Variants in PPP4R3A observed in about 807,000 individuals in gnomAD.
PPP4R3A encodes serine/threonine-protein phosphatase 4 regulatory subunit 3A.
A neutral mutation model predicts 91.7 loss-of-function variants in PPP4R3A; 15 were observed. That is an observed-to-expected ratio of 0.16 (90% CI 0.11 to 0.25). The LOEUF is 0.25. Ranked by LOEUF, PPP4R3A falls within the 10% of genes least tolerant of loss-of-function variation. PPP4R3A has a pLI of 1.00. For synonymous variants in PPP4R3A, 377 were observed against 348.7 expected (o/e 1.08, Z -0.91); for missense variants, 623 against 998.4 (o/e 0.62, Z 5.07).
In PPP4R3A at chr14:91,489,097, C is replaced by T. The variant is rs144353497; in HGVS notation, c.198+1650G>A. Among the ~76,000 whole-genome samples the T allele has an allele frequency of 2.3e-3, 351 of 151,952 alleles. 2 individuals carry two copies. In the East Asian group the frequency reaches 0.03, roughly 13 times the overall value. On this transcript the variant is annotated intron_variant, in intron 2 of 14. Coordinates refer to ENST00000554943, the MANE Select transcript of PPP4R3A (RefSeq NM_001366432.2). ...TTATTTTTTGTATATTTAGTAGAGA[C>T]GGGGTTTCACCGTGTTAGCCAGGAT...
intron 12 of PPP4R3A, 68 bp downstream of exon 12, chr14:91,462,667 A>G: frequency 6.4e-7 from 1 of 1,559,868 alleles, no homozygotes; most frequent in Non-Finnish European, 8.8e-7. Flanking sequence ...ATAATATCAA[A>G]TAAACAATAA....
chr14:91,475,416 A>G (rs1007219702), intron 7 of PPP4R3A: 32 of 183,962 alleles, frequency 1.7e-4, no homozygotes, highest in Middle Eastern at 2.4e-3. Context: ...ATTTTAAGGG[A>G]CTGTGCTACA....
intron 1 of PPP4R3A, among the ~76,000 whole-genome samples, chr14:91,498,568 G>A (rs1032674427): frequency 2.0e-5 from 3 of 152,112 alleles, no homozygotes; most frequent in Admixed American, 6.6e-5. Flanking sequence ...GGTGGCACGC[G>A]CCAATGACCC....
chr14:91,495,211 T>C (rs1890464295), intron 1 of PPP4R3A, among the ~76,000 whole-genome samples: 1 of 151,654 alleles, frequency 6.6e-6, no homozygotes, highest in Non-Finnish European at 1.5e-5. Flanking sequence ...CACAGAGTAA[T>C]GAAAACCTAA....
At chr14:91,461,661 C>T (rs1888170500) in intron 13 of PPP4R3A, 54 bp from the exon 14 acceptor site, 1 of 1,545,000 alleles carries the variant, frequency 6.5e-7, no homozygotes, top group Non-Finnish European at 8.9e-7. Flanking sequence ...TTTTAAATTT[C>T]CCCAAATGAG....
chr14:91,477,982 A>T (rs1889313076), intron 4 of PPP4R3A, among the ~76,000 whole-genome samples: 1 of 152,192 alleles, frequency 6.6e-6, no homozygotes, highest in South Asian at 2.1e-4. Flanking sequence ...TAGTGGAAGT[A>T]GATTCAATAC....
At chr14:91,485,299 T>C (rs1440111347) in intron 3 of PPP4R3A, among the ~76,000 whole-genome samples, 2 of 152,216 alleles carry the variant, frequency 1.3e-5, no homozygotes, top group Non-Finnish European at 2.9e-5. Context: ...GTTTCTGATT[T>C]CAGCAACTGC....
At position 91,510,024 on chromosome 14, in the gene PPP4R3A, C is replaced by G; in HGVS notation, c.-377G>C. On this transcript the variant is annotated 5_prime_UTR_variant, in exon 1 of 15. Coordinates refer to ENST00000554943, the MANE Select transcript of PPP4R3A (RefSeq NM_001366432.2). ...TCCGCGAAGCAGCTTCCCGCGCCGC[C>G]GCCGCCTCCTCAGGCCGCCGCCGCC... is the stretch of plus-strand genomic sequence containing the variant. 1 of 895,566 alleles carries G rather than the reference C, an allele frequency of 1.1e-6. No homozygotes were observed. Among genetic ancestry groups the G allele is most frequent in the Non-Finnish European group, 1.3e-6 (1 of 744,890 alleles). The allele number at this position is 895,566 out of a possible 1,614,324, so 55.5% of individuals were successfully genotyped here.
In PPP4R3A at chr14:91,462,200, A is replaced by G; in HGVS notation, c.2013T>C (p.Asp671=). The change falls in exon 13 of 15, where the codon GAT becomes GAC. Residue 671 remains aspartate, a synonymous_variant. Coordinates refer to ENST00000554943, the MANE Select transcript of PPP4R3A (RefSeq NM_001366432.2). ...SILRNHRYRR[D]ARTLEDEEEM... ...CTTCTTCATCTTCTAGTGTTCTGGC[A>G]TCTCTTCGATATCTGTGATTCCTCA... 1 of 1,598,512 alleles carries G rather than the reference A, an allele frequency of 6.3e-7. No homozygotes were observed. Among genetic ancestry groups the G allele is most frequent in the Non-Finnish European group, 8.5e-7 (1 of 1,175,474 alleles).
chr14:91,497,127 T>A (rs1890623347), intron 1 of PPP4R3A, among the ~76,000 whole-genome samples: 1 of 152,138 alleles, frequency 6.6e-6, no homozygotes, highest in African/African-American at 2.4e-5. Context: ...CGAGAAATGA[T>A]GATCCTTAGC....
At chr14:91,470,452 A>G (rs956673753) in intron 10 of PPP4R3A, among the ~76,000 whole-genome samples, 5 of 152,100 alleles carry the variant, frequency 3.3e-5, no homozygotes, top group African/African-American at 9.7e-5. Context: ...TACCATATTC[A>G]TTTCTCTCTT....
chr14:91,504,911 G>C (rs1206898467), intron 1 of PPP4R3A, among the ~76,000 whole-genome samples: 1 of 152,166 alleles, frequency 6.6e-6, no homozygotes, highest in African/African-American at 2.4e-5. Context: ...GCCTACAGTT[G>C]AGATAGCATT....
intron 3 of PPP4R3A, among the ~76,000 whole-genome samples, chr14:91,483,859 C>T (rs1441025576): frequency 6.6e-6 from 1 of 151,998 alleles, no homozygotes; most frequent in Non-Finnish European, 1.5e-5. Flanking sequence ...ATATTAAAGA[C>T]CAAACAAAGG....
chr14:91,483,297 A>G (rs1889683766), intron 3 of PPP4R3A, among the ~76,000 whole-genome samples: 1 of 152,216 alleles, frequency 6.6e-6, no homozygotes, highest in Non-Finnish European at 1.5e-5. Flanking sequence ...AGCGTAATGA[A>G]CAGATGCACT....
intron 1 of PPP4R3A, among the ~76,000 whole-genome samples, chr14:91,491,477 G>T (rs192359304): frequency 6.6e-6 from 1 of 151,290 alleles, no homozygotes; most frequent in Admixed American, 6.6e-5. Context: ...GCGCGATCTC[G>T]GCTCACTGCA....
chr14:91,462,659 A>G, intron 12 of PPP4R3A, 76 bp downstream of exon 12: 1 of 1,525,990 alleles, frequency 6.6e-7, no homozygotes, highest in Non-Finnish European at 9.0e-7. Context: ...CAAGCCAAAT[A>G]ATATCAAATA....
At chr14:91,505,944 T>C (rs2140170925) in intron 1 of PPP4R3A, among the ~76,000 whole-genome samples, 1 of 138,656 alleles carries the variant, frequency 7.2e-6, no homozygotes, top group South Asian at 2.5e-4. Flanking sequence ...AAACTATAAT[T>C]GAAATTTTTT....
At chr14:91,471,419 C>A (rs572073525) in intron 9 of PPP4R3A, among the ~76,000 whole-genome samples, 3 of 152,304 alleles carry the variant, frequency 2.0e-5, no homozygotes, top group African/African-American at 7.2e-5. Context: ...CTCCCTGTTC[C>A]CTTGATTCCA....
At position 91,481,556 on chromosome 14, in the gene PPP4R3A, A is replaced by C; in HGVS notation, c.915+20T>G. The C allele has an allele frequency of 6.6e-7, 1 of 1,514,286 alleles. No individual in the cohort carries two copies. The highest frequency in any genetic ancestry group is 8.8e-7 in the Non-Finnish European group (1 of 1,136,410). 93.8% of individuals were successfully genotyped at this position (1,514,286 alleles called of 1,614,324 possible). Reference sequence around the variant, plus strand: ...TCGCTGCATCTCTTGAAATATGAAAAAAGGAATGATCTAACTCACCTGCAA... The same window carrying C: ...TCGCTGCATCTCTTGAAATATGAAACAAGGAATGATCTAACTCACCTGCAA... On this transcript the variant is annotated intron_variant, in intron 4 of 14. Coordinates refer to ENST00000554943, the MANE Select transcript of PPP4R3A (RefSeq NM_001366432.2).
Sources: gnomAD v4.1 joint callset for allele counts (sites outside exome capture counted in the v4.1 genomes callset) on GRCh38, gnomAD v4.1.1 for gene constraint, MANE v1.5 for transcripts, NCBI Gene and HGNC (gene_info 2026-07-23, HGNC 2026-07-21) for gene names.